NOTCH2: variants seen among roughly 807,000 people sequenced by gnomAD.
NOTCH2 encodes notch receptor 2.
In NOTCH2, 29 loss-of-function variants were observed where a neutral mutation model predicts 235.8. That is an observed-to-expected ratio of 0.12 (90% confidence interval 0.09 to 0.17). NOTCH2 has a LOEUF of 0.17. Among genes scored for constraint, NOTCH2 ranks in the 10% least tolerant of loss-of-function variants. The pLI, the probability that NOTCH2 is intolerant of heterozygous loss-of-function variation, is 1.00. For synonymous variants in NOTCH2, 1,086 were observed against 1,141.5 expected, an observed-to-expected ratio of 0.95 and a Z score of 0.98; for missense variants, 2,285 against 3,150.2, an observed-to-expected ratio of 0.73 and a Z score of 6.57.
chr1:119,916,275 G>A lies in NOTCH2; in HGVS notation c.6447C>T (p.Ser2149=). ...VQLSESSVTL[S]PVDSLESPHT... ...GAGGAGATTCTAGGGAATCAACAGG[G>A]GATAAAGTTACTGAACTCTCAGACA... Residue 2149 remains serine (S), a synonymous_variant, in exon 34 of 34, where the codon TCC becomes TCT. Transcript: ENST00000256646. 5 of 1,614,166 alleles carry A rather than the reference G, an allele frequency of 3.1e-6. No individual in the cohort carries two copies. The highest frequency in any genetic ancestry group is 4.2e-6 in the Non-Finnish European group (5 of 1,180,020).
Position 119,915,170 on chromosome 1 carries a change from A to G in NOTCH2, c.*136T>C. ...GAATTGCTTCTCTTGCATTATCTGAATAAGAACATCTTCTCTTTCCTACCT... is the reference window on the plus strand; with the variant it reads ...GAATTGCTTCTCTTGCATTATCTGAGTAAGAACATCTTCTCTTTCCTACCT... On this transcript the variant is annotated 3_prime_UTR_variant, in exon 34 of 34. Transcript: ENST00000256646. The G allele has an allele frequency of 3.3e-6, 3 of 903,614 alleles. No individual in the cohort carries two copies. Among genetic ancestry groups the G allele is most frequent in the South Asian group, 1.4e-5 (1 of 72,470 alleles). 56.0% of individuals were successfully genotyped at this position (903,614 alleles called of 1,614,324 possible).
At chr1:119,989,028 CCT>C (rs1287500826) in intron 4 of NOTCH2, among the ~76,000 whole-genome samples, 1 of 151,926 alleles carries the variant, frequency 6.6e-6, no homozygotes, top group East Asian at 1.9e-4. Context: ...GTACTTTTTC[CCT>C]GTCAATAGGT....
At chr1:119,968,393 C>T (rs186882242) in intron 6 of NOTCH2, among the ~76,000 whole-genome samples, 161 bp from the exon 7 acceptor site, 1 of 152,150 alleles carries the variant, frequency 6.6e-6, no homozygotes, top group Non-Finnish European at 1.5e-5. Context: ...ACCTTGGGGA[C>T]ATGCTTGGCC....
chr1:120,012,703 G>A (rs1233741359), intron 2 of NOTCH2, among the ~76,000 whole-genome samples: 1 of 152,206 alleles, frequency 6.6e-6, no homozygotes, highest in Non-Finnish European at 1.5e-5. Flanking sequence ...TGTGAATCTA[G>A]CAATTTCCCC....
chr1:119,921,720 T>C lies in NOTCH2; in HGVS notation c.5303A>G (p.Lys1768Arg), dbSNP rs1467506544. Residue 1768 changes from lysine (K) to arginine (R), a missense_variant, in exon 29 of 34, where the codon AAA (lysine) becomes AGA (arginine). Transcript: ENST00000256646. ...CTACCATGGCCACCTCACCTTTACT[T>C]TCTTTGGCTGGGGCCCTTCATCATC... ...WVDDEGPQPK[K>R]VKAEDEALLS... 1.9e-6 allele frequency: 3 copies of C among 1,614,066 alleles called. No homozygotes were observed. Among genetic ancestry groups the C allele is most frequent in the Non-Finnish European group, 2.5e-6 (3 of 1,179,906 alleles).
chr1:120,035,768 GTCTTT>G (rs1293313010), intron 1 of NOTCH2, among the ~76,000 whole-genome samples: 2 of 63,276 alleles, frequency 3.2e-5, no homozygotes, highest in Non-Finnish European at 6.3e-5. Flanking sequence ...AAAACATTTC[GTCTTT>G]TCTGAGTATT....
chr1:119,948,471 A>G lies in NOTCH2; in HGVS notation c.2695T>C (p.Cys899Arg). Reference protein sequence around the residue: ...HNTQGSYMCECPPGFSGMDCE... With the variant: ...HNTQGSYMCERPPGFSGMDCE... ...TCCATACCACTGAAGCCTGGTGGAC[A>G]TTCACACATGTAGCTGCCCTGGGTG... The change falls in exon 17 of 34, where the codon TGT (cysteine) becomes CGT (arginine). Residue 899 changes from cysteine (C) to arginine (R), a missense_variant. This residue lies in a region of NOTCH2 where 1,173 missense variants were observed against 1,515.3 expected (regional missense o/e 0.77). Transcript: ENST00000256646. 6.2e-7 allele frequency: 1 copy of G among 1,614,226 alleles called. No homozygotes were observed. Among genetic ancestry groups the G allele is most frequent in the Non-Finnish European group, 8.5e-7 (1 of 1,180,040 alleles).
At chr1:119,925,907 T>G in intron 24 of NOTCH2, 97 bp from the exon 25 acceptor site, 1 of 1,399,980 alleles carries the variant, frequency 7.1e-7, no homozygotes, top group South Asian at 1.2e-5. Context: ...CTCACTCCCT[T>G]CTGTACTTCC....
intron 4 of NOTCH2, chr1:119,995,727 TTAAA>T (rs1168635817): frequency 1.3e-5 from 2 of 152,216 alleles, no homozygotes; most frequent in African/African-American, 2.4e-5. Context: ...TTCTTGTGAC[TTAAA>T]TAATATAAAG....
chr1:119,926,997 C>T (rs901095771), intron 23 of NOTCH2, among the ~76,000 whole-genome samples: 2 of 152,196 alleles, frequency 1.3e-5, no homozygotes, highest in African/African-American at 2.4e-5. Flanking sequence ...ATGTTATCTA[C>T]TTCATAGGAG....
intron 1 of NOTCH2, among the ~76,000 whole-genome samples, chr1:120,040,872 C>T (rs1257980524): frequency 1.3e-5 from 2 of 149,210 alleles, no homozygotes; most frequent in Non-Finnish European, 3.0e-5. Flanking sequence ...CACATCTCTA[C>T]TAAAAATACA....
intron 17 of NOTCH2, among the ~76,000 whole-genome samples, chr1:119,942,707 T>C (rs587741929): frequency 6.6e-6 from 1 of 152,310 alleles, no homozygotes; most frequent in East Asian, 1.9e-4. Flanking sequence ...TGGTCCCACT[T>C]CATACAGAAA....
chr1:119,968,287 A>G (rs1280780011), intron 6 of NOTCH2, 55 bp from the exon 7 acceptor site: 24 of 1,574,040 alleles, frequency 1.5e-5, no homozygotes, highest in Non-Finnish European at 2.1e-5. Context: ...CACTTGGGGA[A>G]GAGCTTTCTC....
At position 119,922,794 on chromosome 1, in the gene NOTCH2, G is replaced by A. The variant is rs2101156567; in HGVS notation, c.4860-16C>T. 1 of 1,614,004 alleles carries A rather than the reference G, an allele frequency of 6.2e-7. No homozygotes were observed. The highest frequency in any genetic ancestry group is 8.5e-7 in the Non-Finnish European group (1 of 1,180,036). On this transcript the variant is annotated splice_polypyrimidine_tract_variant and intron_variant, in intron 26 of 33. Transcript: ENST00000256646. ...GACTTTAGAGCTGTGGGATGCCAAG[G>A]GAGAAGCGGAGGAGGAGAGATGGGG...
chr1:119,951,643 C>T (rs907480276), intron 14 of NOTCH2, among the ~76,000 whole-genome samples: 10 of 152,176 alleles, frequency 6.6e-5, no homozygotes, highest in Admixed American at 3.3e-4. Context: ...GGCATGAAAC[C>T]TTCTCCCACT....
intron 5 of NOTCH2, among the ~76,000 whole-genome samples, chr1:119,985,562 C>G (rs1553202141): frequency 6.6e-6 from 1 of 152,090 alleles, no homozygotes; most frequent in East Asian, 1.9e-4. Context: ...TCTTCACTGG[C>G]ATCAGAAGCC....
At chr1:119,962,132 T>C (rs1213355969) in intron 11 of NOTCH2, among the ~76,000 whole-genome samples, 1 of 152,086 alleles carries the variant, frequency 6.6e-6, no homozygotes, top group Non-Finnish European at 1.5e-5. Context: ...CTTCTCACCT[T>C]CTCAGTGACA....
intron 26 of NOTCH2, among the ~76,000 whole-genome samples, chr1:119,923,367 G>A (rs1181878831): frequency 6.6e-6 from 1 of 152,160 alleles, no homozygotes; most frequent in Non-Finnish European, 1.5e-5. Context: ...GGGATTTGAG[G>A]CAACTCTGGC....
At chr1:119,953,424 C>A in intron 14 of NOTCH2, 119 bp downstream of exon 14, 1 of 1,095,690 alleles carries the variant, frequency 9.1e-7, no homozygotes. Context: ...TCTAATTGCT[C>A]AATATGTTTG....
Sources: allele counts gnomAD v4.1 joint callset (sites outside exome capture counted in the v4.1 genomes callset), GRCh38; gene constraint gnomAD v4.1.1; regional missense constraint gnomAD v4.1.1; transcripts MANE v1.5; gene names NCBI Gene and HGNC (gene_info 2026-07-23, HGNC 2026-07-21).